Variants in HHLA2 observed in about 807,000 individuals in gnomAD.
The protein encoded by HHLA2 is HHLA2 member of B7 family.
In HHLA2, 48 loss-of-function variants were observed where a neutral mutation model predicts 45.9. The observed-to-expected ratio is 1.05, with a 90% CI of 0.83 to 1.33. The LOEUF (loss-of-function observed/expected upper bound fraction) is 1.33, where lower values mean the gene tolerates loss of function less well. HHLA2 is among the 40% of genes most tolerant of loss of function. HHLA2 has a pLI of 0.00. For synonymous variants in HHLA2, 161 were observed against 173.9 expected, an observed-to-expected ratio of 0.93 and a Z score of 0.59; for missense variants, 462 against 494.3, an observed-to-expected ratio of 0.93 and a Z score of 0.62.
At position 108,308,554 on chromosome 3, in the gene HHLA2, A is replaced by G. The variant is rs1222376397; in HGVS notation, c.-191-2101A>G. On this transcript the variant is annotated intron_variant, in intron 1 of 10. Coordinates refer to ENST00000619531, the Ensembl canonical transcript of HHLA2. ...CAGCAGTGGGATTGCTGGATCATACAGTAGTTCAATTTTTAGTTTTTTAGG... is the reference window on the plus strand; with the variant it reads ...CAGCAGTGGGATTGCTGGATCATACGGTAGTTCAATTTTTAGTTTTTTAGG... Among the ~76,000 whole-genome samples the G allele has an allele frequency of 2.0e-5, 3 of 152,162 alleles. No homozygotes were observed. In the East Asian group the frequency reaches 5.8e-4, roughly 29 times the overall value.
chr3:108,354,096 A>T (rs1401284697), intron 5 of HHLA2, among the ~76,000 whole-genome samples: 1 of 152,204 alleles, frequency 6.6e-6, no homozygotes, highest in African/African-American at 2.4e-5. Flanking sequence ...TACTAGCAGC[A>T]TAAGACTATC....
At chr3:108,368,387 T>A (rs1201548273) in intron 8 of HHLA2, among the ~76,000 whole-genome samples, 2 of 151,710 alleles carry the variant, frequency 1.3e-5, no homozygotes, top group Non-Finnish European at 2.9e-5. Context: ...ATGGACTAAA[T>A]GCCCCAGTTA....
In HHLA2 at chr3:108,376,400, T is replaced by C. The variant is rs577345142; in HGVS notation, c.1160-93T>C. The C allele has an allele frequency of 8.4e-4, 780 of 934,012 alleles. 9 individuals carry two copies. In the African/African-American group the frequency reaches 0.012, roughly 14 times the overall value. The allele number at this position is 934,012 out of a possible 1,614,324, so 57.9% of individuals were successfully genotyped here. A position where few individuals can be genotyped will look rare whatever the true frequency, so the allele number is the denominator to read the frequency against. Reference sequence around the variant, plus strand: ...TATGCAGGGAGAGTAACTCAGATGATTCTAATAACATGATTATATTGAGAT... The same window carrying C: ...TATGCAGGGAGAGTAACTCAGATGACTCTAATAACATGATTATATTGAGAT... On this transcript the variant is annotated intron_variant, in intron 9 of 10. Coordinates refer to ENST00000619531, the Ensembl canonical transcript of HHLA2.
chr3:108,355,537 T>G (rs2081874618), intron 6 of HHLA2, among the ~76,000 whole-genome samples, 156 bp downstream of exon 5: 1 of 152,214 alleles, frequency 6.6e-6, no homozygotes, highest in Non-Finnish European at 1.5e-5. Flanking sequence ...GGCTGGTTCT[T>G]CTGGCTGTAT....
intron 3 of HHLA2, among the ~76,000 whole-genome samples, chr3:108,344,096 T>C (rs1576146596): frequency 6.6e-6 from 1 of 152,316 alleles, no homozygotes; most frequent in Non-Finnish European, 1.5e-5. Flanking sequence ...AATTATACAC[T>C]TTGAATGTTT....
chr3:108,369,304 A>G (rs1021741455), intron 8 of HHLA2, among the ~76,000 whole-genome samples: 1 of 152,134 alleles, frequency 6.6e-6, no homozygotes, highest in African/African-American at 2.4e-5. Flanking sequence ...TAACATCACA[A>G]TGAAAAAAAC....
At chr3:108,371,645 T>G (rs1328222611) in intron 8 of HHLA2, among the ~76,000 whole-genome samples, 2 of 151,766 alleles carry the variant, frequency 1.3e-5, no homozygotes, top group Non-Finnish European at 2.9e-5. Flanking sequence ...ACCAAGCAAA[T>G]GACAAACAAA....
chr3:108,306,319 G>A (rs1396933334), intron 1 of HHLA2, among the ~76,000 whole-genome samples: 2 of 152,116 alleles, frequency 1.3e-5, no homozygotes, highest in Non-Finnish European at 2.9e-5. Flanking sequence ...TACATTATCT[G>A]TTTTAATATT....
intron 2 of HHLA2, chr3:108,328,255 AT>A: frequency 7.5e-7 from 1 of 1,340,082 alleles, no homozygotes; most frequent in Non-Finnish European, 9.9e-7. Flanking sequence ...CCTTAATCTA[AT>A]TTTATCCACA....
chr3:108,312,780 A>G (rs1218220986), intron 2 of HHLA2, among the ~76,000 whole-genome samples: 1 of 152,220 alleles, frequency 6.6e-6, no homozygotes, highest in Non-Finnish European at 1.5e-5. Context: ...GCTCACCCTC[A>G]GTAATTCCAC....
chr3:108,355,078 T>A, intron 5 of HHLA2, 37 bp from the exon 5 acceptor site: 3 of 1,582,402 alleles, frequency 1.9e-6, no homozygotes, highest in Non-Finnish European at 2.6e-6. Context: ...AAGCTAATGA[T>A]GGCAGTTTTT....
chr3:108,352,455 T>C (rs548586295), intron 4 of HHLA2, among the ~76,000 whole-genome samples: 2 of 152,278 alleles, frequency 1.3e-5, no homozygotes, highest in Admixed American at 1.3e-4. Context: ...ACAGAGCCAC[T>C]TGGGCACGCA....
intron 7 of HHLA2, among the ~76,000 whole-genome samples, chr3:108,361,453 A>T (rs1241230669): frequency 6.6e-6 from 1 of 152,030 alleles, no homozygotes; most frequent in African/African-American, 2.4e-5. Context: ...AGTAACCCTT[A>T]TTTTATTTAA....
intron 3 of HHLA2, among the ~76,000 whole-genome samples, chr3:108,330,650 G>A (rs1416960068): frequency 6.6e-6 from 1 of 152,080 alleles, no homozygotes; most frequent in Non-Finnish European, 1.5e-5. Context: ...GGGTCTGAGG[G>A]CCTCAGTGCT....
intron 3 of HHLA2, among the ~76,000 whole-genome samples, chr3:108,346,865 G>C (rs1485909455): frequency 2.6e-5 from 4 of 152,132 alleles, no homozygotes; most frequent in Non-Finnish European, 5.9e-5. Flanking sequence ...ATGGGTATGG[G>C]GGAGCTGTTC....
intron 6 of HHLA2, 40 bp downstream of exon 5, chr3:108,355,421 A>C (rs1215721180): frequency 1.9e-6 from 3 of 1,578,510 alleles, no homozygotes; most frequent in African/African-American, 1.4e-5. Flanking sequence ...GTGCTGTTTC[A>C]AAGTTGGGGG....
exon 3 of HHLA2, chr3:108,328,271 ATG>A (rs1408296568): frequency 6.8e-7 from 1 of 1,467,196 alleles, no homozygotes; most frequent in South Asian, 1.3e-5. Flanking sequence ...TCCACACAGC[ATG>A]TAGGAGAATA....
intron 3 of HHLA2, among the ~76,000 whole-genome samples, chr3:108,350,202 C>A (rs1199183626): frequency 2.0e-5 from 3 of 152,058 alleles, no homozygotes; most frequent in African/African-American, 7.2e-5. Context: ...ATTTTGATAA[C>A]TAATACTATT....
chr3:108,321,091 T>TAAGAAAAAAAAAAAAAAAAAA (rs2081191704), intron 2 of HHLA2, among the ~76,000 whole-genome samples: 1 of 101,428 alleles, frequency 9.9e-6, no homozygotes, highest in South Asian at 3.8e-4. Context: ...TCCAGGTGTT[T>TAAGAAAAAAAAAAAAAAAAAA]AAAAAAAAAA....
Sources: gnomAD v4.1 joint callset for allele counts (sites outside exome capture counted in the v4.1 genomes callset) on GRCh38, gnomAD v4.1.1 for gene constraint, MANE v1.5 for transcripts, NCBI Gene and HGNC (gene_info 2026-07-23, HGNC 2026-07-21) for gene names.